SDK2: variants seen among roughly 807,000 people sequenced by gnomAD.
SDK2 encodes the protein sidekick cell adhesion molecule 2.
SDK2 carries 105 observed loss-of-function variants against 253.9 expected under a neutral mutation model. That is an observed-to-expected ratio of 0.41 (90% CI 0.35 to 0.49). The LOEUF (loss-of-function observed/expected upper bound fraction) is 0.49. Among genes scored for constraint, SDK2 ranks in the 20% least tolerant of loss-of-function variants. The pLI is 0.06. For missense variants in SDK2, 2,608 were observed against 3,003.0 expected, an observed-to-expected ratio of 0.87 and a Z score of 3.07; for synonymous variants, 1,249 against 1,234.9, an observed-to-expected ratio of 1.01 and a Z score of -0.24.
chr17:73,608,622 T>C (rs2045936678), intron 1 of SDK2, among the ~76,000 whole-genome samples: 1 of 152,148 alleles, frequency 6.6e-6, no homozygotes, highest in Non-Finnish European at 1.5e-5. Context: ...TTTTTATTTT[T>C]AGTAGAGATG....
In SDK2 at chr17:73,443,889, C is replaced by T. The variant is rs529423897; in HGVS notation, c.614-2966G>A. On this transcript the variant is annotated intron_variant, in intron 5 of 44. Coordinates refer to ENST00000392650, the MANE Select transcript of SDK2 (RefSeq NM_001144952.2). The surrounding 1 kb of genome is among the most constrained non-coding windows in gnomAD (Gnocchi z 4.6). ...ATCTTTCCTAGGTGAATGCTTGACA[C>T]GTGCCAGGCTGTGTTCCAGGCACCA... Among the ~76,000 whole-genome samples the T allele has an allele frequency of 2.0e-5, 3 of 152,166 alleles. No homozygotes were observed. Among genetic ancestry groups the T allele is most frequent in the Non-Finnish European group, 2.9e-5 (2 of 68,026 alleles).
At chr17:73,458,468 G>A (rs956147768) in intron 3 of SDK2, among the ~76,000 whole-genome samples, 3 of 152,180 alleles carry the variant, frequency 2.0e-5, no homozygotes, top group Admixed American at 6.5e-5. Flanking sequence ...TTGAGAATGC[G>A]GGCCTACAAG....
At position 73,395,360 on chromosome 17, in the gene SDK2, A is replaced by G; in HGVS notation, c.3387T>C (p.Pro1129=). 5.6e-6 allele frequency: 9 copies of G among 1,613,952 alleles called. No homozygotes were observed. The highest frequency in any genetic ancestry group is 7.6e-6 in the Non-Finnish European group (9 of 1,179,890). The part of the protein sequence containing the change: ...PLPEMEYNGN[P]ESVGYKIKYS... The stretch of plus-strand genomic sequence containing the variant: ...ACTTGATCTTATAGCCCACGGACTC[A>G]GGGTTCCCATTGTATTCCATCTCCG... Residue 1129 remains proline (P), a synonymous_variant, in exon 25 of 45, where the codon CCT becomes CCC. Transcript: ENST00000392650. This position sits in a 1 kb window ranked among gnomAD's most constrained non-coding sequence, Gnocchi z 4.3.
intron 1 of SDK2, among the ~76,000 whole-genome samples, chr17:73,571,508 G>A (rs1260487931): frequency 6.6e-6 from 1 of 152,214 alleles, no homozygotes; most frequent in East Asian, 1.9e-4. Flanking sequence ...GGGTCCTGGG[G>A]GGAACATGTG....
intron 44 of SDK2, among the ~76,000 whole-genome samples, chr17:73,344,551 C>G (rs1364079932): frequency 1.3e-5 from 2 of 152,200 alleles, no homozygotes; most frequent in African/African-American, 4.8e-5. Flanking sequence ...CCTCAGTTTC[C>G]CCAGCTGTTA....
At chr17:73,462,072 T>G (rs533495788) in intron 3 of SDK2, among the ~76,000 whole-genome samples, 41 of 152,286 alleles carry the variant, frequency 2.7e-4, no homozygotes, top group Non-Finnish European at 4.6e-4. Context: ...CATATTTACA[T>G]GCACGTGTGC....
At chr17:73,638,028 CG>C (rs2046353572) in intron 1 of SDK2, among the ~76,000 whole-genome samples, 1 of 152,188 alleles carries the variant, frequency 6.6e-6, no homozygotes, top group African/African-American at 2.4e-5. Context: ...TGCTGGAGGG[CG>C]GGGCCCCCAC....
In SDK2 at chr17:73,352,662, C is replaced by G. The variant is rs749079233; in HGVS notation, c.5594-25G>C. 3.1e-6 allele frequency: 5 copies of G among 1,610,742 alleles called. No individual in the cohort carries two copies. The highest frequency in any genetic ancestry group is 4.2e-6 in the Non-Finnish European group (5 of 1,177,274). The stretch of plus-strand genomic sequence containing the variant: ...TCTGCAGGAGCACAGAGATGGAGGC[C>G]CTGGGAGGTGAGGGGAAGCCCCAAA... On this transcript the variant is annotated intron_variant, in intron 40 of 44. Coordinates refer to ENST00000392650, the MANE Select transcript of SDK2 (RefSeq NM_001144952.2). This position sits in a 1 kb window ranked among gnomAD's most constrained non-coding sequence, Gnocchi z 4.1.
At chr17:73,478,686 A>G (rs2063702542) in intron 2 of SDK2, among the ~76,000 whole-genome samples, 1 of 152,240 alleles carries the variant, frequency 6.6e-6, no homozygotes, top group South Asian at 2.1e-4. Context: ...TCTCCAGCAC[A>G]TGAGGAAACA....
At chr17:73,440,280 AT>A (rs2063404658) in intron 6 of SDK2, among the ~76,000 whole-genome samples, 1 of 151,348 alleles carries the variant, frequency 6.6e-6, no homozygotes, top group Non-Finnish European at 1.5e-5. Flanking sequence ...TAATTTTTGT[AT>A]TTTCAGTAGA....
At chr17:73,437,164 G>T (rs1038786759) in intron 8 of SDK2, among the ~76,000 whole-genome samples, 1 of 152,064 alleles carries the variant, frequency 6.6e-6, no homozygotes, top group South Asian at 2.1e-4. Flanking sequence ...TTTGCTCAGC[G>T]TGTCCCACTG....
rs533094131 is a variant in SDK2, at chr17:73,544,195, C to T, written c.65-36598G>A. On this transcript the variant is annotated intron_variant, in intron 1 of 44. Coordinates refer to ENST00000392650, the MANE Select transcript of SDK2 (RefSeq NM_001144952.2). ...GCCTTCGAGGGACTCACTTAAACTC[C>T]CACAACAAACTGTGAAGCTGGCCTG... 1.2e-4 allele frequency among the ~76,000 whole-genome samples: 18 copies of T among 152,322 alleles called. No homozygotes were observed. In the South Asian group the frequency reaches 2.7e-3, roughly 23 times the overall value.
In SDK2 at chr17:73,434,189, A is replaced by T. The variant is rs79403938; in HGVS notation, c.1196-341T>A. On this transcript the variant is annotated intron_variant, in intron 9 of 44. Transcript: ENST00000392650. ...CCTGACAAGGTTGTTGGGGTTTACA[A>T]GCCAAAAGTGAAAGGAAGGCTCTGG... is the stretch of plus-strand genomic sequence containing the variant. Among the ~76,000 whole-genome samples the T allele has an allele frequency of 2.0e-3, 311 of 152,338 alleles. 2 individuals are homozygous for T. The highest frequency in any genetic ancestry group is 7.3e-3 in the African/African-American group (304 of 41,578).
Position 73,383,654 on chromosome 17 carries a change from T to C in SDK2, c.4705+222A>G, listed in dbSNP as rs1184054148. On this transcript the variant is annotated intron_variant, in intron 33 of 44. Coordinates refer to ENST00000392650, the MANE Select transcript of SDK2 (RefSeq NM_001144952.2). This position sits in a 1 kb window ranked among gnomAD's most constrained non-coding sequence, Gnocchi z 4.3. ...CAAGAGGGCAGGGACCCTGTCTGTCTTGATCATTGGTGTGCCCCACAGTGA... is the reference window on the plus strand; with the variant it reads ...CAAGAGGGCAGGGACCCTGTCTGTCCTGATCATTGGTGTGCCCCACAGTGA... Among the ~76,000 whole-genome samples the C allele has an allele frequency of 6.6e-6, 1 of 152,246 alleles. No individual in the cohort carries two copies. The highest frequency in any genetic ancestry group is 2.4e-5 in the African/African-American group (1 of 41,474).
In SDK2 at chr17:73,431,598, T is replaced by A; in HGVS notation, c.1384A>T (p.Ile462Phe). Residue 462 changes from isoleucine (I) to phenylalanine (F), a missense_variant, in exon 11 of 45, where the codon ATC becomes TTC. By Grantham distance (21) the Ile-to-Phe change is conservative. Around this residue, in one of 2 missense-constraint regions of SDK2, gnomAD observed 1,505 missense variants for 1,859.1 expected, o/e 0.81. Transcript: ENST00000392650. The surrounding 1 kb of genome is among the most constrained non-coding windows in gnomAD (Gnocchi z 5.6). Reference protein sequence around the residue: ...FTPLESGSLLISPTHISDAGT... With the variant: ...FTPLESGSLLFSPTHISDAGT... ...GCATCGGAGATGTGTGTGGGGCTGA[T>A]GAGGAGGCTGCCCGACTCCAGGGGT... 6.2e-7 allele frequency: 1 copy of A among 1,612,460 alleles called. No homozygotes were observed. Among genetic ancestry groups the A allele is most frequent in the African/African-American group, 1.3e-5 (1 of 74,590 alleles).
Position 73,472,791 on chromosome 17 carries a change from G to C in SDK2, c.225-573C>G, listed in dbSNP as rs564265555. On this transcript the variant is annotated intron_variant, in intron 2 of 44. Transcript: ENST00000392650. ...CAGGTGGGAGATAATTGAATCATGGGAGTGGGTCTTTCCATGATGTTCTCG... is the reference window on the plus strand; with the variant it reads ...CAGGTGGGAGATAATTGAATCATGGCAGTGGGTCTTTCCATGATGTTCTCG... 2.6e-3 allele frequency among the ~76,000 whole-genome samples: 393 copies of C among 152,304 alleles called. 1 individual carries two copies. The highest frequency in any genetic ancestry group is 8.9e-3 in the African/African-American group (371 of 41,568).
chr17:73,451,863 C>T (rs1330264318), intron 4 of SDK2, among the ~76,000 whole-genome samples: 1 of 152,144 alleles, frequency 6.6e-6, no homozygotes, highest in Non-Finnish European at 1.5e-5. Flanking sequence ...CACTGCACCC[C>T]AGAGGCAACC....
chr17:73,362,808 C>A (rs959242348), intron 38 of SDK2, among the ~76,000 whole-genome samples: 10 of 152,198 alleles, frequency 6.6e-5, no homozygotes, highest in Admixed American at 6.5e-4. Flanking sequence ...CTTCGCGAAT[C>A]CAAATACTCC....
chr17:73,626,279 C>T (rs1467857249), intron 1 of SDK2, among the ~76,000 whole-genome samples: 4 of 152,216 alleles, frequency 2.6e-5, no homozygotes, highest in South Asian at 2.1e-4. Flanking sequence ...CAGATGAATG[C>T]GTTGGCCGGG....
Sources: gnomAD v4.1 joint callset for allele counts (sites outside exome capture counted in the v4.1 genomes callset) on GRCh38, gnomAD v4.1.1 for gene constraint, gnomAD v4.1.1 regional missense constraint, Gnocchi (gnomAD v3.1) non-coding constraint, MANE v1.5 for transcripts, NCBI Gene and HGNC (gene_info 2026-07-23, HGNC 2026-07-21) for gene names.